CTNNA2: variants seen among roughly 807,000 people sequenced by gnomAD.
The protein encoded by CTNNA2 is catenin alpha 2.
In CTNNA2, 42 loss-of-function variants were observed where a neutral mutation model predicts 101.0. The ratio of observed to expected loss-of-function variants is 0.42; its 90% confidence interval spans 0.32 to 0.54. The LOEUF is 0.54. Ranked by LOEUF, CTNNA2 falls within the 20% of genes least tolerant of loss-of-function variation. CTNNA2 has a pLI of 0.14. For missense variants in CTNNA2, 871 were observed against 1,223.1 expected (o/e 0.71, Z 4.29); for synonymous variants, 450 against 456.4 (o/e 0.99, Z 0.18).
rs113730587 is a variant in CTNNA2, at chr2:80,201,655, G to A, written c.1057-191556G>A. On this transcript the variant is annotated intron_variant, in intron 7 of 18. Transcript: ENST00000402739. Reference sequence around the variant, plus strand: ...CTCCCAAAGTGCTGGGATTACAGGCGTGAGCCACCGTGCCCGGCCACAATA... The same window carrying A: ...CTCCCAAAGTGCTGGGATTACAGGCATGAGCCACCGTGCCCGGCCACAATA... Among the ~76,000 whole-genome samples, 135 of 152,162 alleles carry A rather than the reference G, an allele frequency of 8.9e-4. 1 individual carries two copies. In the South Asian group the frequency reaches 0.01, roughly 12 times the overall value.
chr2:79,534,670 T>A (rs1330290462), intron 1 of CTNNA2, among the ~76,000 whole-genome samples: 1 of 152,108 alleles, frequency 6.6e-6, no homozygotes, highest in Admixed American at 6.6e-5. Context: ...ACTGATAGTA[T>A]ATTTTCTCCT....
chr2:79,581,115 T>C (rs924577114), intron 1 of CTNNA2, among the ~76,000 whole-genome samples: 19 of 152,216 alleles, frequency 1.2e-4, no homozygotes, highest in African/African-American at 4.1e-4. Flanking sequence ...GGAAATTAAG[T>C]CCCTTGGTAA....
intron 9 of CTNNA2, among the ~76,000 whole-genome samples, chr2:80,437,378 G>T (rs1267337344): frequency 6.6e-6 from 1 of 152,150 alleles, no homozygotes; most frequent in Non-Finnish European, 1.5e-5. Context: ...GTAAAATTTG[G>T]TTATGGAAAA....
At position 79,250,901 on chromosome 2, in the gene CTNNA2, T is replaced by C. The variant is rs72915160; in HGVS notation, c.-406+52825T>C. ...AATTTTTGGCTTCAGGTCCAATGTGTGTAGACGTTGCTCCTCTGGGTTTAC... is the reference window on the plus strand; with the variant it reads ...AATTTTTGGCTTCAGGTCCAATGTGCGTAGACGTTGCTCCTCTGGGTTTAC... On this transcript the variant is annotated intron_variant, in intron 2 of 21. Transcript: ENST00000466387. Among the ~76,000 whole-genome samples the C allele has an allele frequency of 3.2e-3, 480 of 152,346 alleles. 2 individuals are homozygous for C. The highest frequency in any genetic ancestry group is 0.011 in the African/African-American group (465 of 41,574).
chr2:80,293,803 T>C (rs900880865), intron 7 of CTNNA2, among the ~76,000 whole-genome samples: 1 of 152,096 alleles, frequency 6.6e-6, no homozygotes, highest in Admixed American at 6.5e-5. Flanking sequence ...AAAGGGAATA[T>C]TTTGGTGTTA....
intron 7 of CTNNA2, among the ~76,000 whole-genome samples, chr2:80,235,671 C>A (rs1462035546): frequency 1.3e-5 from 2 of 152,312 alleles, no homozygotes; most frequent in South Asian, 2.1e-4. Flanking sequence ...GCCCTGCCCC[C>A]ACCTTAGGGG....
intron 8 of CTNNA2, 57 bp from the exon 9 acceptor site, chr2:80,419,392 G>T (rs1044353328): frequency 1.4e-6 from 2 of 1,388,664 alleles, no homozygotes; most frequent in African/African-American, 2.9e-5. Flanking sequence ...GAAAAAAAAT[G>T]GGCAATTATA....
chr2:79,639,784 A>T (rs1558793732), intron 1 of CTNNA2, among the ~76,000 whole-genome samples: 1 of 152,208 alleles, frequency 6.6e-6, no homozygotes, highest in Non-Finnish European at 1.5e-5. Flanking sequence ...TGACTCTAGT[A>T]ACAAAATAAA....
chr2:79,867,804 T>C (rs752764486), intron 4 of CTNNA2, among the ~76,000 whole-genome samples: 9 of 152,172 alleles, frequency 5.9e-5, no homozygotes, highest in Non-Finnish European at 7.4e-5. Context: ...TAGCTCCCTC[T>C]GAGATAATTA....
intron 7 of CTNNA2, among the ~76,000 whole-genome samples, chr2:80,157,546 T>G (rs1418372870): frequency 6.6e-6 from 1 of 152,176 alleles, no homozygotes; most frequent in African/African-American, 2.4e-5. Flanking sequence ...ACCATTTTTT[T>G]GTTTATCAAA....
chr2:80,622,444 G>C (rs1184368227), intron 18 of CTNNA2, among the ~76,000 whole-genome samples: 1 of 151,932 alleles, frequency 6.6e-6, no homozygotes, highest in Admixed American at 6.6e-5. Context: ...CAGCTAATGA[G>C]AATCCGTGTA....
chr2:79,804,987 G>A (rs539898043), intron 3 of CTNNA2, among the ~76,000 whole-genome samples: 13 of 152,198 alleles, frequency 8.5e-5, no homozygotes, highest in African/African-American at 1.7e-4. Context: ...GGAGGGGAGC[G>A]GGGTCACCAT....
intron 3 of CTNNA2, among the ~76,000 whole-genome samples, chr2:79,844,314 T>G (rs1680042009): frequency 6.6e-6 from 1 of 152,212 alleles, no homozygotes; most frequent in South Asian, 2.1e-4. Context: ...CTACTTATTT[T>G]CAGTTTAACA....
intron 3 of CTNNA2, among the ~76,000 whole-genome samples, chr2:79,831,456 C>CT (rs759582225): frequency 4.0e-5 from 6 of 151,072 alleles, no homozygotes; most frequent in East Asian, 3.9e-4. Flanking sequence ...TTTTCAAATA[C>CT]TTTTTTTTTA....
At chr2:79,454,006 C>T (rs1299391519) in intron 4 of CTNNA2, among the ~76,000 whole-genome samples, 1 of 151,952 alleles carries the variant, frequency 6.6e-6, no homozygotes, top group Non-Finnish European at 1.5e-5. Flanking sequence ...TAGATAAAGC[C>T]CCTCAGTTCT....
chr2:80,339,143 CA>C (rs2149275220), intron 7 of CTNNA2, among the ~76,000 whole-genome samples: 1 of 152,112 alleles, frequency 6.6e-6, no homozygotes, highest in Admixed American at 6.5e-5. Flanking sequence ...TTAACATCTA[CA>C]AAAACAAACC....
At chr2:80,187,660 CAG>C (rs746433972) in intron 7 of CTNNA2, among the ~76,000 whole-genome samples, 3 of 152,202 alleles carry the variant, frequency 2.0e-5, no homozygotes, top group Admixed American at 6.5e-5. Context: ...GGCAGAAAAA[CAG>C]AGGGAAATTG....
At chr2:80,629,503 T>A (rs749408313) in intron 18 of CTNNA2, among the ~76,000 whole-genome samples, 11 of 152,114 alleles carry the variant, frequency 7.2e-5, no homozygotes, top group Non-Finnish European at 1.0e-4. Flanking sequence ...ATCTTTCGGA[T>A]ACAGATGATT....
chr2:80,545,792 A>C (rs1225470436), intron 10 of CTNNA2, 115 bp from the exon 11 acceptor site: 1 of 949,742 alleles, frequency 1.1e-6, no homozygotes. Context: ...GAACACCAAG[A>C]ACCCACTTAT....
Sources: allele counts gnomAD v4.1 joint callset (sites outside exome capture counted in the v4.1 genomes callset), GRCh38; gene constraint gnomAD v4.1.1; transcripts MANE v1.5; gene names NCBI Gene and HGNC (gene_info 2026-07-23, HGNC 2026-07-21).